TANC2: variants seen among roughly 807,000 people sequenced by gnomAD.
TANC2 encodes the protein tetratricopeptide repeat, ankyrin repeat and coiled-coil containing 2.
TANC2 carries 26 observed loss-of-function variants against 210.5 expected under a neutral mutation model. The ratio of observed to expected loss-of-function variants is 0.12; its 90% CI spans 0.09 to 0.17. The LOEUF is 0.17. TANC2 is among the 10% of genes least tolerant of loss of function. TANC2 has a pLI of 1.00. For missense variants in TANC2, 2,129 were observed against 2,608.9 expected (o/e 0.82, Z 4.01); for synonymous variants, 931 against 967.1 (o/e 0.96, Z 0.69).
intron 8 of TANC2, among the ~76,000 whole-genome samples, chr17:63,245,523 C>T (rs1235337645): frequency 6.6e-6 from 1 of 152,010 alleles, no homozygotes; most frequent in Non-Finnish European, 1.5e-5. Context: ...GCCTGAACAA[C>T]ATGGTGAAAC....
chr17:63,004,925 G>A (rs1481931161), intron 1 of TANC2: 8 of 277,334 alleles, frequency 2.9e-5, no homozygotes, highest in East Asian at 1.1e-4. Context: ...GCTTTATCTC[G>A]TTTAGTATCT....
chr17:63,130,860 T>C (rs1223823318), intron 4 of TANC2: 1 of 152,232 alleles, frequency 6.6e-6, no homozygotes, highest in Non-Finnish European at 1.5e-5. Flanking sequence ...TTACTGCATC[T>C]TACCTTGATA....
intron 5 of TANC2, among the ~76,000 whole-genome samples, chr17:63,160,563 A>G (rs181392124): frequency 6.6e-6 from 1 of 152,296 alleles, no homozygotes; most frequent in East Asian, 1.9e-4. Flanking sequence ...CTGTTGCTGA[A>G]CATTTAAATT....
intron 7 of TANC2, among the ~76,000 whole-genome samples, chr17:63,204,146 G>T (rs1179972923): frequency 6.6e-6 from 1 of 150,970 alleles, no homozygotes; most frequent in Non-Finnish European, 1.5e-5. Context: ...CAGCAAAGTT[G>T]CAGGATACAA....
intron 2 of TANC2, among the ~76,000 whole-genome samples, chr17:63,052,956 C>T (rs1220195350): frequency 6.6e-6 from 1 of 152,182 alleles, no homozygotes; most frequent in Non-Finnish European, 1.5e-5. Flanking sequence ...CTATTCTGAG[C>T]TCTCCGGCTG....
intron 21 of TANC2, among the ~76,000 whole-genome samples, chr17:63,408,237 C>A (rs8074280): frequency 6.6e-6 from 1 of 152,070 alleles, no homozygotes; most frequent in Non-Finnish European, 1.5e-5. Flanking sequence ...GATATGAAGC[C>A]TGATTAGATG....
At chr17:63,346,150 A>G (rs1284311001) in intron 12 of TANC2, among the ~76,000 whole-genome samples, 3 of 152,234 alleles carry the variant, frequency 2.0e-5, no homozygotes, top group Non-Finnish European at 2.9e-5. Flanking sequence ...ACCTAAATAG[A>G]AAAGTTGTAT....
chr17:63,411,882 G>GC lies in TANC2; in HGVS notation c.3766-115dup. ...TAGCTAAGGCCTGAAATACATGGCAGCATAGCCTGGGGTAGGCCAGCAGTT... is the reference window on the plus strand; with the variant it reads ...TAGCTAAGGCCTGAAATACATGGCAGCCATAGCCTGGGGTAGGCCAGCAGTT... On this transcript the variant is annotated intron_variant, in intron 22 of 27. Transcript: ENST00000689528. The GC allele has an allele frequency of 4.0e-6, 6 of 1,482,164 alleles. No individual in the cohort carries two copies. In the East Asian group the frequency reaches 9.2e-5, roughly 23 times the overall value. 91.8% of individuals were successfully genotyped at this position (1,482,164 alleles called of 1,614,324 possible). A position where few individuals can be genotyped will look rare whatever the true frequency, so the allele number is the denominator to read the frequency against.
intron 3 of TANC2, among the ~76,000 whole-genome samples, chr17:63,074,954 G>A (rs1164708740): frequency 2.6e-5 from 4 of 151,994 alleles, no homozygotes; most frequent in Admixed American, 6.6e-5. Context: ...TTCTATAATC[G>A]TGTCCCTCTT....
intron 9 of TANC2, among the ~76,000 whole-genome samples, chr17:63,278,654 G>T (rs950273811): frequency 6.6e-6 from 1 of 152,050 alleles, no homozygotes; most frequent in Non-Finnish European, 1.5e-5. Context: ...TGAAATCAGG[G>T]TCTCAGAGAT....
chr17:63,336,549 G>T (rs1027552635), intron 11 of TANC2, among the ~76,000 whole-genome samples: 2 of 152,170 alleles, frequency 1.3e-5, no homozygotes, highest in Non-Finnish European at 2.9e-5. Flanking sequence ...ACACAAGGCT[G>T]TATTGACTTC....
At chr17:63,175,533 C>CCAA (rs1364759254) in intron 5 of TANC2, among the ~76,000 whole-genome samples, 10 of 103,396 alleles carry the variant, frequency 9.7e-5, no homozygotes, top group Non-Finnish European at 1.2e-4. Context: ...TCTCCCCCGC[C>CCAA]AAAAAAAAAA....
chr17:63,131,532 GT>G (rs10719381), intron 4 of TANC2, among the ~76,000 whole-genome samples: 51,657 of 145,816 alleles, frequency 0.35, 10,311 homozygotes, highest in African/African-American at 0.57. Flanking sequence ...AATTACTTTG[GT>G]TTTTTTTTTT....
intron 11 of TANC2, among the ~76,000 whole-genome samples, chr17:63,337,626 AATTTT>A (rs1026124302): frequency 2.9e-5 from 4 of 138,132 alleles, no homozygotes; most frequent in African/African-American, 9.9e-5. Flanking sequence ...TTTTTTTTTA[AATTTT>A]ATTTTAAGGT....
At chr17:63,092,581 C>CTGGCA (rs1031803839) in intron 3 of TANC2, among the ~76,000 whole-genome samples, 1 of 151,998 alleles carries the variant, frequency 6.6e-6, no homozygotes, top group Non-Finnish European at 1.5e-5. Flanking sequence ...AATCATGGTG[C>CTGGCA]TGGCATCTGC....
At chr17:63,194,276 T>G in intron 6 of TANC2, 137 bp downstream of exon 6, 1 of 1,006,978 alleles carries the variant, frequency 9.9e-7, no homozygotes, top group Non-Finnish European at 1.4e-6. Flanking sequence ...TTCTTCAGTT[T>G]ATGAATAATC....
chr17:63,055,178 A>G (rs1430877425), intron 2 of TANC2, among the ~76,000 whole-genome samples: 2 of 152,166 alleles, frequency 1.3e-5, no homozygotes, highest in Non-Finnish European at 2.9e-5. Flanking sequence ...GGAAATCATT[A>G]TATATGGAAT....
chr17:63,001,352 G>A (rs74586418), intron 1 of TANC2, among the ~76,000 whole-genome samples: 206 of 151,814 alleles, frequency 1.4e-3, no homozygotes, highest in Middle Eastern at 3.4e-3. Flanking sequence ...ATCATTTCTC[G>A]CTCAATGAAA....
chr17:63,243,512 C>T (rs914688746), intron 8 of TANC2, among the ~76,000 whole-genome samples: 1 of 152,142 alleles, frequency 6.6e-6, no homozygotes, highest in East Asian at 1.9e-4. Context: ...TGAAAAAGAA[C>T]ACACTACTGT....
Sources: allele counts gnomAD v4.1 joint callset (sites outside exome capture counted in the v4.1 genomes callset), GRCh38; gene constraint gnomAD v4.1.1; transcripts MANE v1.5; gene names NCBI Gene and HGNC (gene_info 2026-07-23, HGNC 2026-07-21).